CNTLN: variants seen among roughly 807,000 people sequenced by gnomAD.
CNTLN encodes the protein centlein.
A neutral mutation model predicts 180.0 loss-of-function variants in CNTLN; 212 were observed. The observed-to-expected ratio is 1.18, with a 90% CI of 1.05 to 1.32. The LOEUF (loss-of-function observed/expected upper bound fraction) is 1.32, where lower values mean the gene tolerates loss of function less well. Among genes scored for constraint, CNTLN ranks in the 40% most tolerant of loss-of-function variants. The pLI is 0.00. For synonymous variants in CNTLN, 722 were observed against 563.1 expected, an observed-to-expected ratio of 1.28 and a Z score of -3.99; for missense variants, 2,095 against 1,610.9, an observed-to-expected ratio of 1.30 and a Z score of -5.14.
At chr9:17,378,152 G>A (rs148563465) in intron 13 of CNTLN, among the ~76,000 whole-genome samples, 81 of 152,028 alleles carry the variant, frequency 5.3e-4, no homozygotes, top group African/African-American at 1.9e-3. Flanking sequence ...TCCTTCATCA[G>A]TAATTCAATT....
intron 10 of CNTLN, among the ~76,000 whole-genome samples, chr9:17,337,933 A>G (rs1199531390): frequency 6.6e-6 from 1 of 152,174 alleles, no homozygotes; most frequent in Non-Finnish European, 1.5e-5. Flanking sequence ...CAGTTTATAT[A>G]TAATAATTTT....
intron 12 of CNTLN, among the ~76,000 whole-genome samples, chr9:17,352,147 A>C (rs779799436): frequency 6.6e-6 from 1 of 151,974 alleles, no homozygotes; most frequent in Non-Finnish European, 1.5e-5. Flanking sequence ...TCTTTATTTC[A>C]ATGATCTTTT....
At chr9:17,492,277 C>G (rs1457478486) in intron 25 of CNTLN, among the ~76,000 whole-genome samples, 1 of 151,682 alleles carries the variant, frequency 6.6e-6, no homozygotes, top group African/African-American at 2.4e-5. Context: ...TTCTTTCTTT[C>G]TTTCTTTCTT....
chr9:17,269,411 C>T (rs769432123), intron 5 of CNTLN, among the ~76,000 whole-genome samples: 1 of 151,974 alleles, frequency 6.6e-6, no homozygotes, highest in Non-Finnish European at 1.5e-5. Context: ...ATAAACTTGC[C>T]TCTTACCATT....
rs542106478 is a variant in CNTLN, at chr9:17,482,911, A to G, written c.3856-1384A>G. Among the ~76,000 whole-genome samples the G allele has an allele frequency of 2.0e-5, 3 of 152,254 alleles. No homozygotes were observed. The South Asian group carries it at 6.2e-4, about 31-fold the overall frequency. ...ATGGATAAAAAAATTTTAACTGAAA[A>G]ATAAAAAAGTAGCAAAAAAATTGTG... On this transcript the variant is annotated intron_variant, in intron 23 of 25. Transcript: ENST00000380647.
chr9:17,414,093 G>T (rs182182450), intron 16 of CNTLN, among the ~76,000 whole-genome samples: 2 of 152,150 alleles, frequency 1.3e-5, no homozygotes, highest in African/African-American at 4.8e-5. Context: ...TTCTCATCTT[G>T]GATTGTGAAC....
chr9:17,254,472 T>C (rs1220307958), intron 5 of CNTLN, among the ~76,000 whole-genome samples: 5 of 151,310 alleles, frequency 3.3e-5, no homozygotes, highest in Non-Finnish European at 7.4e-5. Flanking sequence ...TTTTTTTTTT[T>C]CTTTTGTGTG....
At chr9:17,414,592 A>G (rs1262519246) in intron 16 of CNTLN, among the ~76,000 whole-genome samples, 3 of 152,220 alleles carry the variant, frequency 2.0e-5, no homozygotes, top group African/African-American at 7.2e-5. Flanking sequence ...ATTTTGAGAA[A>G]TGAAACATTG....
intron 10 of CNTLN, among the ~76,000 whole-genome samples, chr9:17,335,763 C>T (rs1820973483): frequency 1.3e-5 from 2 of 151,690 alleles, no homozygotes; most frequent in Non-Finnish European, 2.9e-5. Context: ...CATGGCAAAA[C>T]CCTGTGTCTA....
At chr9:17,505,734 C>G (rs1325812541), downstream of CNTLN, among the ~76,000 whole-genome samples, 3 of 152,012 alleles carry the variant, frequency 2.0e-5, no homozygotes, top group South Asian at 2.1e-4. Context: ...TAACACAATT[C>G]CTACCAACAT....
chr9:17,147,667 G>C (rs1205580658), intron 2 of CNTLN, among the ~76,000 whole-genome samples: 1 of 152,162 alleles, frequency 6.6e-6, no homozygotes, highest in Non-Finnish European at 1.5e-5. Context: ...AATGTGGTGT[G>C]ACTTGGGATT....
chr9:17,332,863 C>T (rs1820737767), intron 10 of CNTLN, 133 bp downstream of exon 10: 1 of 471,894 alleles, frequency 2.1e-6, no homozygotes, highest in Non-Finnish European at 3.3e-6. Context: ...AGTGTATAAT[C>T]AGTTCATCTT....
intron 5 of CNTLN, among the ~76,000 whole-genome samples, chr9:17,260,449 T>C (rs1826871687): frequency 6.6e-6 from 1 of 151,422 alleles, no homozygotes. Context: ...AAATGTATAT[T>C]CTGTATGTCT....
intron 18 of CNTLN, among the ~76,000 whole-genome samples, chr9:17,439,302 C>A (rs1440681280): frequency 6.6e-6 from 1 of 152,036 alleles, no homozygotes; most frequent in East Asian, 1.9e-4. Flanking sequence ...CAAAAATGTT[C>A]ACATAACTAG....
At chr9:17,361,180 T>G (rs562329578) in intron 12 of CNTLN, among the ~76,000 whole-genome samples, 25 of 152,316 alleles carry the variant, frequency 1.6e-4, no homozygotes, top group African/African-American at 5.3e-4. Flanking sequence ...CATTTAGCAT[T>G]AGATATATCT....
chr9:17,256,145 A>T (rs898997749), intron 5 of CNTLN, among the ~76,000 whole-genome samples: 1 of 151,834 alleles, frequency 6.6e-6, no homozygotes, highest in African/African-American at 2.4e-5. Context: ...TATTTTATTT[A>T]TCCAGTCTGC....
chr9:17,463,748 C>T (rs927178966), intron 20 of CNTLN, among the ~76,000 whole-genome samples: 2 of 151,562 alleles, frequency 1.3e-5, no homozygotes, highest in African/African-American at 4.8e-5. Context: ...TATTGTTTAA[C>T]AGGGCTCTAG....
At chr9:17,377,654 C>T (rs1824885762) in intron 13 of CNTLN, among the ~76,000 whole-genome samples, 1 of 152,098 alleles carries the variant, frequency 6.6e-6, no homozygotes, top group Non-Finnish European at 1.5e-5. Context: ...GAATATGATT[C>T]AACAGGGATT....
chr9:17,261,579 T>C (rs1369108242), intron 5 of CNTLN, among the ~76,000 whole-genome samples: 3 of 151,428 alleles, frequency 2.0e-5, no homozygotes, highest in East Asian at 1.9e-4. Flanking sequence ...TGGTGGAATT[T>C]GTAGGGTTTT....
Sources: allele counts gnomAD v4.1 joint callset (sites outside exome capture counted in the v4.1 genomes callset), GRCh38; gene constraint gnomAD v4.1.1; transcripts MANE v1.5; gene names NCBI Gene and HGNC (gene_info 2026-07-23, HGNC 2026-07-21).